The following FAM114A2 variants were observed in gnomAD, a reference collection of about 807,000 sequenced individuals.
The protein encoded by FAM114A2 is family with sequence similarity 114 member A2.
A neutral mutation model predicts 58.4 loss-of-function variants in FAM114A2; 53 were observed. That is an observed-to-expected ratio of 0.91 (90% CI 0.73 to 1.14). The LOEUF is 1.14. Ranked by LOEUF, FAM114A2 falls within the 50% of genes most tolerant of loss-of-function variation. The pLI, the probability that FAM114A2 is intolerant of heterozygous loss-of-function variation, is 0.00. For synonymous variants in FAM114A2, 228 were observed against 211.4 expected, an observed-to-expected ratio of 1.08 and a Z score of -0.68; for missense variants, 601 against 581.1, an observed-to-expected ratio of 1.03 and a Z score of -0.35.
chr5:153,997,023 A>G (rs1478251866), intron 12 of FAM114A2, among the ~76,000 whole-genome samples: 1 of 151,836 alleles, frequency 6.6e-6, no homozygotes, highest in African/African-American at 2.4e-5. Context: ...AAGAAAGAAA[A>G]AAAGATGTAC....
Position 153,993,099 on chromosome 5 carries a change from A to G in FAM114A2, c.1395T>C (p.Ser465=). ...ITAVFLEASN[S]ASYIQDAFQL... is the part of the protein sequence containing the mutation. ...GAAAGGCGTCCTGGATGTAGGAGGCACTGTTTGATGCCTGCCAGGATTGAA... is the reference window on the plus strand; with the variant it reads ...GAAAGGCGTCCTGGATGTAGGAGGCGCTGTTTGATGCCTGCCAGGATTGAA... The change falls in exon 14 of 14, where the codon AGT becomes AGC. Residue 465 remains serine, a synonymous_variant. Coordinates refer to ENST00000351797, the MANE Select transcript of FAM114A2 (RefSeq NM_018691.4). The G allele has an allele frequency of 6.2e-7, 1 of 1,609,364 alleles. No individual in the cohort carries two copies. Among genetic ancestry groups the G allele is most frequent in the South Asian group, 1.1e-5 (1 of 90,164 alleles).
At chr5:153,998,269 A>G (rs1009420720) in intron 11 of FAM114A2, among the ~76,000 whole-genome samples, 3 of 152,186 alleles carry the variant, frequency 2.0e-5, no homozygotes, top group African/African-American at 7.2e-5. Flanking sequence ...CGGTTATCAG[A>G]CTGACTGTTG....
chr5:153,994,278 C>T (rs1459069673), intron 13 of FAM114A2, among the ~76,000 whole-genome samples: 1 of 152,158 alleles, frequency 6.6e-6, no homozygotes, highest in Admixed American at 6.5e-5. Flanking sequence ...TCCCCCCAGA[C>T]TTACATAAAC....
rs896151498 is a variant in FAM114A2 at position 154,038,876 on chromosome 5, A to C, written c.-34T>G. The stretch of plus-strand genomic sequence containing the variant: ...CCGCACCTATCCGGCCGCCACCCTC[A>C]GCACAGCCACGGCAGCCGACTCGGC... On this transcript the variant is annotated 5_prime_UTR_variant, in exon 1 of 14. Coordinates refer to ENST00000351797, the MANE Select transcript of FAM114A2 (RefSeq NM_018691.4). 2 of 152,498 alleles carry C rather than the reference A, an allele frequency of 1.3e-5. No homozygotes were observed. Among genetic ancestry groups the C allele is most frequent in the Admixed American group, 1.3e-4 (2 of 15,284 alleles). The allele number at this position is 152,498 out of a possible 1,614,324, so 9.4% of individuals were successfully genotyped here.
At chr5:154,002,713 T>C in intron 10 of FAM114A2, 134 bp downstream of exon 10, 1 of 912,062 alleles carries the variant, frequency 1.1e-6, no homozygotes, top group South Asian at 1.6e-5. Context: ...ATAGTCTGGA[T>C]CTAAGATGCT....
In FAM114A2 at chr5:154,028,234, T is replaced by A. The variant is rs753279745; in HGVS notation, c.545A>T (p.Lys182Ile). Residue 182 changes from lysine to isoleucine, a missense_variant, in exon 6 of 14, where the codon AAA (lysine) becomes ATA (isoleucine). By Grantham distance (102) the Lys-to-Ile change is moderately radical. Transcript: ENST00000351797. ...TTCTGCTATCACATCCATTGTCTTT[T>A]TTCCAATGAATTCTAAGGCATCCAA... Reference protein sequence around the residue: ...GGLDALEFIGKKTMDVIAEGD... With the variant: ...GGLDALEFIGIKTMDVIAEGD... The A allele has an allele frequency of 6.2e-7, 1 of 1,611,382 alleles. No homozygotes were observed. Among genetic ancestry groups the A allele is most frequent in the South Asian group, 1.1e-5 (1 of 90,938 alleles).
At chr5:154,024,337 TATTA>T (rs1214030480) in intron 8 of FAM114A2, among the ~76,000 whole-genome samples, 2 of 152,134 alleles carry the variant, frequency 1.3e-5, no homozygotes. Context: ...ACAAAGTGTT[TATTA>T]ATTCATTCAA....
intron 8 of FAM114A2, among the ~76,000 whole-genome samples, chr5:154,024,938 T>C (rs1056257905): frequency 3.9e-5 from 6 of 152,304 alleles, no homozygotes; most frequent in African/African-American, 7.2e-5. Context: ...GCAGCAAATA[T>C]GTTTTACAAA....
At chr5:154,014,554 T>G (rs1770901019) in intron 8 of FAM114A2, among the ~76,000 whole-genome samples, 1 of 152,186 alleles carries the variant, frequency 6.6e-6, no homozygotes, top group Non-Finnish European at 1.5e-5. Context: ...CCTGAGGGTC[T>G]AGATTAAAGG....
intron 9 of FAM114A2, among the ~76,000 whole-genome samples, chr5:154,005,658 G>A (rs1358104235): frequency 6.6e-6 from 1 of 152,152 alleles, no homozygotes; most frequent in East Asian, 1.9e-4. Context: ...CTATTTTCTT[G>A]AGCTACTGAA....
intron 8 of FAM114A2, among the ~76,000 whole-genome samples, chr5:154,022,586 A>G (rs1771496628): frequency 6.6e-6 from 1 of 152,254 alleles, no homozygotes; most frequent in South Asian, 2.1e-4. Flanking sequence ...CCACAATGAG[A>G]TACCATCTTA....
intron 8 of FAM114A2, among the ~76,000 whole-genome samples, chr5:154,017,832 T>C (rs1335762892): frequency 2.6e-5 from 4 of 152,210 alleles, no homozygotes; most frequent in Non-Finnish European, 4.4e-5. Flanking sequence ...TGAATGATTC[T>C]GGGTCAAAAT....
intron 9 of FAM114A2, among the ~76,000 whole-genome samples, chr5:154,010,472 G>T (rs1443429274): frequency 1.3e-5 from 2 of 152,130 alleles, no homozygotes; most frequent in African/African-American, 4.8e-5. Context: ...CATAGTTTTT[G>T]CCCTGGGGGA....
chr5:154,016,011 C>G (rs1771016502), intron 8 of FAM114A2, among the ~76,000 whole-genome samples: 4 of 151,928 alleles, frequency 2.6e-5, no homozygotes, highest in Admixed American at 2.6e-4. Context: ...ATTGAACAAG[C>G]AGAAGAAAGA....
At chr5:154,023,714 T>TCACAAATCAC (rs1229007365) in intron 8 of FAM114A2, among the ~76,000 whole-genome samples, 2 of 151,916 alleles carry the variant, frequency 1.3e-5, no homozygotes, top group Non-Finnish European at 2.9e-5. Flanking sequence ...CACCAAATTC[T>TCACAAATCAC]CACAAATCAC....
In FAM114A2 at chr5:153,995,007, T is replaced by G. The variant is rs374914471; in HGVS notation, c.1330-35A>C. 2.7e-5 allele frequency: 38 copies of G among 1,427,574 alleles called. No individual in the cohort carries two copies. In the African/African-American group the frequency reaches 4.6e-4, roughly 17 times the overall value. The allele number at this position is 1,427,574 out of a possible 1,614,324, so 88.4% of individuals were successfully genotyped here. ...CGAATACATTTTTAAGTGAGCAGAG[T>G]AGGTTAAATAACAGTAAGTGGAGTA... On this transcript the variant is annotated intron_variant, in intron 12 of 13. Coordinates refer to ENST00000351797, the MANE Select transcript of FAM114A2 (RefSeq NM_018691.4).
In FAM114A2 at chr5:154,026,466, T is replaced by G. The variant is rs1274867659; in HGVS notation, c.846A>C (p.Glu282Asp). 1 of 1,577,464 alleles carries G rather than the reference T, an allele frequency of 6.3e-7. No individual in the cohort carries two copies. Among genetic ancestry groups the G allele is most frequent in the Non-Finnish European group, 8.6e-7 (1 of 1,160,066 alleles). The stretch of plus-strand genomic sequence containing the variant: ...AAAATGTTTCTTTGAGTTGCTCTAA[T>G]TCAACTTTTAGAGTCTCTAATTCTT... Reference protein sequence around the residue: ...SGEELETLKVELEQLKETFSL... With the variant: ...SGEELETLKVDLEQLKETFSL... The change falls in exon 8 of 14, where the codon GAA (glutamate) becomes GAC (aspartate). Residue 282 changes from glutamate (E) to aspartate (D), a missense_variant. Glu to Asp is a conservative substitution (Grantham distance 45). Transcript: ENST00000351797.
chr5:154,011,379 G>T, intron 8 of FAM114A2, 59 bp from the exon 9 acceptor site: 1 of 1,178,664 alleles, frequency 8.5e-7, no homozygotes, highest in Non-Finnish European at 1.3e-6. Flanking sequence ...TCATGAGGTG[G>T]CAGGCGAGGA....
intron 1 of FAM114A2, among the ~76,000 whole-genome samples, chr5:154,035,221 AT>A (rs1772472320): frequency 6.6e-6 from 1 of 152,168 alleles, no homozygotes; most frequent in Non-Finnish European, 1.5e-5. Flanking sequence ...ACTCATTTGT[AT>A]TTAGTTCTAT....
Sources: allele counts gnomAD v4.1 joint callset (sites outside exome capture counted in the v4.1 genomes callset), GRCh38; gene constraint gnomAD v4.1.1; transcripts MANE v1.5; gene names NCBI Gene and HGNC (gene_info 2026-07-23, HGNC 2026-07-21).